CNTN6: variants seen among roughly 807,000 people sequenced by gnomAD.
CNTN6 encodes contactin 6, also known as contactin-6.
CNTN6 carries 137 observed loss-of-function variants against 122.8 expected under a neutral mutation model. The ratio of observed to expected loss-of-function variants is 1.12; its 90% CI spans 0.97 to 1.29. The LOEUF (loss-of-function observed/expected upper bound fraction) is 1.29. Among genes scored for constraint, CNTN6 ranks in the 50% most tolerant of loss-of-function variants. The pLI is 0.00. For missense variants in CNTN6, 1,634 were observed against 1,223.4 expected (o/e 1.34, Z -5.01); for synonymous variants, 570 against 426.0 (o/e 1.34, Z -4.16).
At chr3:1,218,960 G>A (rs995102238) in intron 2 of CNTN6, among the ~76,000 whole-genome samples, 2 of 151,154 alleles carry the variant, frequency 1.3e-5, no homozygotes, top group African/African-American at 4.9e-5. Context: ...TCTTGTATCA[G>A]AAAGGAAGAA....
At chr3:1,162,386 C>A (rs529696292) in intron 2 of CNTN6, among the ~76,000 whole-genome samples, 1 of 150,504 alleles carries the variant, frequency 6.6e-6, no homozygotes, top group Non-Finnish European at 1.5e-5. Flanking sequence ...TGGGGTTGTA[C>A]AGCTCAGAAG....
intron 2 of CNTN6, among the ~76,000 whole-genome samples, chr3:1,164,325 C>T (rs1199283161): frequency 1.3e-5 from 2 of 152,276 alleles, no homozygotes; most frequent in Admixed American, 6.5e-5. Flanking sequence ...TCTGACTTGA[C>T]CACCTGCTCC....
intron 7 of CNTN6, among the ~76,000 whole-genome samples, chr3:1,309,985 A>G (rs776142229): frequency 6.6e-6 from 1 of 152,296 alleles, no homozygotes; most frequent in Non-Finnish European, 1.5e-5. Flanking sequence ...TTAACATTGT[A>G]TCTTGTTGCC....
chr3:1,324,168 T>C (rs1701230129), intron 8 of CNTN6, among the ~76,000 whole-genome samples: 2 of 149,582 alleles, frequency 1.3e-5, no homozygotes, highest in Non-Finnish European at 2.9e-5. Flanking sequence ...CTGGAAGTTG[T>C]CCTGATTCCT....
intron 5 of CNTN6, among the ~76,000 whole-genome samples, chr3:1,294,006 T>A (rs1695776585): frequency 6.6e-6 from 1 of 152,210 alleles, no homozygotes; most frequent in South Asian, 2.1e-4. Flanking sequence ...CAAATATTGC[T>A]GGTGGAAGTA....
chr3:1,372,374 T>C lies in CNTN6; in HGVS notation c.1568T>C (p.Val523Ala). The change falls in exon 13 of 23, where the codon GTG (valine) becomes GCG (alanine). Residue 523 changes from valine to alanine, a missense_variant. Physicochemically the swap from Val to Ala is moderately conservative, Grantham distance 64. Transcript: ENST00000446702. ...VGESIVLPCQVSHDPSIEVVF... is the reference protein window; with the variant it reads ...VGESIVLPCQASHDPSIEVVF... Reference sequence around the variant, plus strand: ...GAGAGTATAGTGCTACCATGCCAGGTGTCCCATGACCCCTCCATTGAAGTG... The same window carrying C: ...GAGAGTATAGTGCTACCATGCCAGGCGTCCCATGACCCCTCCATTGAAGTG... The C allele has an allele frequency of 2.5e-6, 4 of 1,613,376 alleles. No homozygotes were observed. The highest frequency in any genetic ancestry group is 3.4e-6 in the Non-Finnish European group (4 of 1,179,446).
intron 17 of CNTN6, among the ~76,000 whole-genome samples, chr3:1,380,300 T>C (rs1710474121): frequency 5.3e-5 from 8 of 152,226 alleles, no homozygotes; most frequent in Admixed American, 5.2e-4. Flanking sequence ...CTGAACTAAA[T>C]ATCTTTCCCG....
intron 12 of CNTN6, among the ~76,000 whole-genome samples, chr3:1,361,750 A>G (rs1707496110): frequency 6.6e-6 from 1 of 152,156 alleles, no homozygotes; most frequent in South Asian, 2.1e-4. Flanking sequence ...TTGTTAAAAT[A>G]TTTAAAAATG....
chr3:1,347,871 G>T (rs1380033385), intron 11 of CNTN6, among the ~76,000 whole-genome samples: 1 of 151,966 alleles, frequency 6.6e-6, no homozygotes, highest in African/African-American at 2.4e-5. Flanking sequence ...TAATGCTGAG[G>T]ACAGTTTTGC....
At chr3:1,247,934 T>A (rs2094605112) in intron 4 of CNTN6, among the ~76,000 whole-genome samples, 1 of 152,200 alleles carries the variant, frequency 6.6e-6, no homozygotes, top group South Asian at 2.1e-4. Context: ...TCTCTGACTG[T>A]AGCTGTTACA....
chr3:1,333,309 C>T (rs937363260), intron 11 of CNTN6, among the ~76,000 whole-genome samples: 1 of 152,002 alleles, frequency 6.6e-6, no homozygotes, highest in Non-Finnish European at 1.5e-5. Context: ...ATCCCATTTT[C>T]CGAATTTACA....
intron 20 of CNTN6, among the ~76,000 whole-genome samples, chr3:1,387,767 G>A (rs1212639615): frequency 6.9e-6 from 1 of 145,156 alleles, no homozygotes; most frequent in Non-Finnish European, 1.6e-5. Flanking sequence ...AAGGGGTCAG[G>A]GAGTTCCCTT....
At chr3:1,103,597 A>C (rs926945198) in intron 1 of CNTN6, among the ~76,000 whole-genome samples, 9 of 152,336 alleles carry the variant, frequency 5.9e-5, no homozygotes, top group Admixed American at 5.9e-4. Context: ...TCATAGAAAA[A>C]GAGAGACTGG....
chr3:1,248,856 C>CA (rs112815585), intron 4 of CNTN6, among the ~76,000 whole-genome samples: 8,927 of 146,796 alleles, frequency 0.061, 342 homozygotes, highest in East Asian at 0.15. Context: ...AACTCCATCT[C>CA]AAAAAAAAAA....
chr3:1,336,175 A>G (rs1339866892), intron 11 of CNTN6, among the ~76,000 whole-genome samples: 2 of 136,436 alleles, frequency 1.5e-5, no homozygotes, highest in Non-Finnish European at 3.1e-5. Context: ...AATCAAATAA[A>G]TAAAATAAAA....
intron 7 of CNTN6, among the ~76,000 whole-genome samples, chr3:1,320,963 CAG>C (rs1029325197): frequency 2.6e-5 from 4 of 151,540 alleles, no homozygotes; most frequent in Non-Finnish European, 5.9e-5. Flanking sequence ...TTCTTTATAA[CAG>C]GGGACAGGCT....
intron 17 of CNTN6, among the ~76,000 whole-genome samples, chr3:1,381,038 C>T (rs1001641082): frequency 6.6e-6 from 1 of 152,080 alleles, no homozygotes; most frequent in Non-Finnish European, 1.5e-5. Flanking sequence ...AAATAAGTCT[C>T]TTTTTTCCCC....
intron 4 of CNTN6, among the ~76,000 whole-genome samples, chr3:1,243,296 G>T (rs1178855295): frequency 2.0e-5 from 3 of 152,188 alleles, no homozygotes; most frequent in African/African-American, 7.2e-5. Context: ...AGGAGGTTCT[G>T]GGGGAACGCC....
chr3:1,103,886 T>C (rs1334332890), intron 1 of CNTN6, among the ~76,000 whole-genome samples: 1 of 152,162 alleles, frequency 6.6e-6, no homozygotes, highest in Non-Finnish European at 1.5e-5. Context: ...TTTTCTTTTA[T>C]GATTTTTTTT....
Sources: gnomAD v4.1 joint callset for allele counts (sites outside exome capture counted in the v4.1 genomes callset) on GRCh38, gnomAD v4.1.1 for gene constraint, MANE v1.5 for transcripts, NCBI Gene and HGNC (gene_info 2026-07-23, HGNC 2026-07-21) for gene names.